Variants in SAXO2 observed in about 807,000 individuals in gnomAD.
SAXO2 encodes the protein family with sequence similarity 154, member B.
SAXO2 carries 17 observed loss-of-function variants against 18.7 expected under a neutral mutation model. The observed-to-expected ratio is 0.91, with a 90% CI of 0.62 to 1.36. The LOEUF (loss-of-function observed/expected upper bound fraction) is 1.36, where lower values mean the gene tolerates loss of function less well. Among genes scored for constraint, SAXO2 ranks in the 40% most tolerant of loss-of-function variants. SAXO2 has a pLI of 0.00. For synonymous variants in SAXO2, 163 were observed against 181.2 expected, an observed-to-expected ratio of 0.90 and a Z score of 0.81; for missense variants, 486 against 562.6, an observed-to-expected ratio of 0.86 and a Z score of 1.38.
chr15:82,280,612 C>A (rs1427351723), intron 3 of SAXO2, among the ~76,000 whole-genome samples: 2 of 152,154 alleles, frequency 1.3e-5, no homozygotes, highest in East Asian at 3.8e-4. Context: ...TACATGATTT[C>A]TCTCACAGCA....
At chr15:82,276,425 C>T (rs184091782) in intron 3 of SAXO2, among the ~76,000 whole-genome samples, 1 of 152,028 alleles carries the variant, frequency 6.6e-6, no homozygotes. Context: ...AAGAATAAAA[C>T]CAGAGGCATT....
chr15:82,282,901 C>G lies in SAXO2; in HGVS notation c.1216C>G (p.Pro406Ala), dbSNP rs1275364316. The G allele has an allele frequency of 3.7e-6, 6 of 1,613,918 alleles. No homozygotes were observed. The highest frequency in any genetic ancestry group is 5.1e-6 in the Non-Finnish European group (6 of 1,179,982). Reference sequence around the variant, plus strand: ...AAATATTGCTTTTAAGAGTTCTGTTCCATTTGATGATGTAACCATGTACTC... The same window carrying G: ...AAATATTGCTTTTAAGAGTTCTGTTGCATTTGATGATGTAACCATGTACTC... ...PLNIAFKSSV[P>A]FDDVTMYSVE... Residue 406 changes from proline (P) to alanine (A), a missense_variant, in exon 4 of 4, where the codon CCA (proline) becomes GCA (alanine). Coordinates refer to ENST00000682753, the MANE Select transcript of SAXO2 (RefSeq NM_001348699.2).
In SAXO2 at chr15:82,283,063, T is replaced by A. The variant is rs199527639; in HGVS notation, c.*1T>A. On this transcript the variant is annotated 3_prime_UTR_variant, in exon 4 of 4. Coordinates refer to ENST00000682753, the MANE Select transcript of SAXO2 (RefSeq NM_001348699.2). ...TATTCCTGCAGTGAAGGCCTTCTAA[T>A]AACCAAAATGTGCTTAAAAGGAAGG... The A allele has an allele frequency of 2.8e-5, 45 of 1,596,238 alleles. No homozygotes were observed. Among genetic ancestry groups the A allele is most frequent in the Non-Finnish European group, 3.7e-5 (43 of 1,172,314 alleles).
chr15:82,269,281 G>A (rs1340909627), intron 2 of SAXO2, among the ~76,000 whole-genome samples: 1 of 152,172 alleles, frequency 6.6e-6, no homozygotes, highest in Admixed American at 6.5e-5. Context: ...CAGACCAAGA[G>A]TTTGACTTTA....
chr15:82,268,383 C>T (rs1166706500), intron 2 of SAXO2, among the ~76,000 whole-genome samples: 3 of 152,108 alleles, frequency 2.0e-5, no homozygotes, highest in Non-Finnish European at 4.4e-5. Flanking sequence ...ATTTAAAAAA[C>T]AAAACAAAAC....
intron 2 of SAXO2, among the ~76,000 whole-genome samples, chr15:82,267,177 T>C (rs2075226796): frequency 6.6e-6 from 1 of 152,222 alleles, no homozygotes; most frequent in South Asian, 2.1e-4. Context: ...CAATAATATG[T>C]GCCCAAGGTG....
At chr15:82,277,637 T>C (rs959705943) in intron 3 of SAXO2, among the ~76,000 whole-genome samples, 1 of 152,158 alleles carries the variant, frequency 6.6e-6, no homozygotes, top group African/African-American at 2.4e-5. Flanking sequence ...ATCATAAATG[T>C]TTATGAATCC....
chr15:82,265,493 T>C (rs2075208001), intron 1 of SAXO2, 76 bp from the exon 2 acceptor site: 2 of 1,099,072 alleles, frequency 1.8e-6, no homozygotes, highest in Non-Finnish European at 2.3e-6. Flanking sequence ...GTGAGTTTAT[T>C]AGAGGTCTCT....
chr15:82,271,460 G>C (rs1567090284), intron 2 of SAXO2, 143 bp from the exon 3 acceptor site: 1 of 682,886 alleles, frequency 1.5e-6, no homozygotes, highest in African/African-American at 1.8e-5. Flanking sequence ...CTTTCAAGTA[G>C]TTTATCAACT....
In SAXO2 at chr15:82,262,943, G is replaced by T; in HGVS notation, c.53+11G>T. The T allele has an allele frequency of 6.2e-7, 1 of 1,600,438 alleles. No homozygotes were observed. ...GATTTGTAGCTGCGGGTAAGAAACG[G>T]CTGGTGTAGCGGCGGGCCCGGGCTT... is the stretch of plus-strand genomic sequence containing the variant. On this transcript the variant is annotated intron_variant, in intron 1 of 3. Transcript: ENST00000682753.
intron 3 of SAXO2, among the ~76,000 whole-genome samples, chr15:82,280,605 A>T (rs970262676): frequency 6.6e-6 from 1 of 152,170 alleles, no homozygotes; most frequent in Admixed American, 6.5e-5. Context: ...AATAAGCTAC[A>T]TGATTTCTCT....
At chr15:82,263,965 T>A in intron 1 of SAXO2, among the ~76,000 whole-genome samples, 1 of 152,030 alleles carries the variant, frequency 6.6e-6, no homozygotes, top group East Asian at 1.9e-4. Context: ...AGAAGTATCA[T>A]AAAAATCTAA....
rs1436745929 is a variant in SAXO2, at chr15:82,284,690, T to TA, written c.*1635dup. Reference sequence around the variant, plus strand: ...ACTCTTATTGGGTGGTTTCTTTTTTTAAAAAAATTAAATAATTGCATTATG... The same window carrying TA: ...ACTCTTATTGGGTGGTTTCTTTTTTTAAAAAAAATTAAATAATTGCATTATG... On this transcript the variant is annotated 3_prime_UTR_variant, in exon 4 of 4. Transcript: ENST00000682753. 8 of 152,248 alleles carry TA rather than the reference T, an allele frequency of 5.3e-5. No homozygotes were observed. The highest frequency in any genetic ancestry group is 9.6e-5 in the African/African-American group (4 of 41,474). The allele number at this position is 152,248 out of a possible 1,614,324, so 9.4% of individuals were successfully genotyped here.
Position 82,271,620 on chromosome 15 carries a change from A to G in SAXO2, c.251A>G (p.Tyr84Cys). The G allele has an allele frequency of 6.2e-7, 1 of 1,612,856 alleles. No homozygotes were observed. Among genetic ancestry groups the G allele is most frequent in the Non-Finnish European group, 8.5e-7 (1 of 1,179,440 alleles). ...ITTFKSDYCPYEIVKQPRHVP... is the reference protein window; with the variant it reads ...ITTFKSDYCPCEIVKQPRHVP... The stretch of plus-strand genomic sequence containing the variant: ...TATTTCAGGTCGGATTATTGTCCTT[A>G]TGAAATAGTTAAACAGCCTCGCCAT... The change falls in exon 3 of 4, where the codon TAT (tyrosine) becomes TGT (cysteine). Residue 84 changes from tyrosine (Y) to cysteine (C), a missense_variant. By Grantham distance (194) the Tyr-to-Cys change is radical (BLOSUM62 -2). Transcript: ENST00000682753.
intron 3 of SAXO2, among the ~76,000 whole-genome samples, chr15:82,279,750 G>C (rs1272462064): frequency 7.2e-5 from 11 of 152,188 alleles, no homozygotes; most frequent in Non-Finnish European, 1.6e-4. Flanking sequence ...GCAGTCCCAA[G>C]TACCAGGAAA....
At chr15:82,269,374 T>TAG (rs2075249259) in intron 2 of SAXO2, among the ~76,000 whole-genome samples, 1 of 151,654 alleles carries the variant, frequency 6.6e-6, no homozygotes, top group African/African-American at 2.4e-5. Context: ...GCATTCCAAG[T>TAG]AGAGAGAGAG....
In SAXO2 at chr15:82,282,514, G is replaced by C. The variant is rs1262889034; in HGVS notation, c.829G>C (p.Glu277Gln). Residue 277 changes from glutamate to glutamine, a missense_variant, in exon 4 of 4, where the codon GAA becomes CAA. Coordinates refer to ENST00000682753, the MANE Select transcript of SAXO2 (RefSeq NM_001348699.2). ...TQNALFEGST[E>Q]FRESFQPWEI... ...GAATGCTCTGTTTGAAGGAAGCACT[G>C]AATTCCGTGAAAGTTTTCAACCATG... The C allele has an allele frequency of 1.2e-6, 2 of 1,614,154 alleles. No homozygotes were observed. The highest frequency in any genetic ancestry group is 2.2e-5 in the South Asian group (2 of 91,050).
At chr15:82,268,243 T>C (rs951608841) in intron 2 of SAXO2, among the ~76,000 whole-genome samples, 1 of 152,250 alleles carries the variant, frequency 6.6e-6, no homozygotes, top group Admixed American at 6.5e-5. Context: ...TTGTGTTTAT[T>C]GAACAAAGAT....
At chr15:82,273,341 A>C (rs1383699614) in intron 3 of SAXO2, among the ~76,000 whole-genome samples, 1 of 152,212 alleles carries the variant, frequency 6.6e-6, no homozygotes, top group Admixed American at 6.5e-5. Context: ...AGCTGAATGG[A>C]TATGTCCTAA....
Sources: gnomAD v4.1 joint callset for allele counts (sites outside exome capture counted in the v4.1 genomes callset) on GRCh38, gnomAD v4.1.1 for gene constraint, MANE v1.5 for transcripts, NCBI Gene and HGNC (gene_info 2026-07-23, HGNC 2026-07-21) for gene names.